NAA35: variants seen among roughly 807,000 people sequenced by gnomAD.
NAA35 encodes the protein N-alpha-acetyltransferase 35, NatC auxiliary subunit.
NAA35 carries 18 observed loss-of-function variants against 101.7 expected under a neutral mutation model. The observed-to-expected ratio is 0.18, with a 90% CI of 0.12 to 0.26. The LOEUF (loss-of-function observed/expected upper bound fraction) is 0.26, where lower values mean the gene tolerates loss of function less well. NAA35 is among the 10% of genes least tolerant of loss of function. The pLI, the probability that NAA35 is intolerant of heterozygous loss-of-function variation, is 1.00. For missense variants in NAA35, 601 were observed against 886.8 expected (o/e 0.68, Z 4.09); for synonymous variants, 267 against 273.1 (o/e 0.98, Z 0.22).
rs1321613293 is a variant in NAA35 at position 85,983,254 on chromosome 9, C to T, written c.877+4873C>T. 2.0e-5 allele frequency among the ~76,000 whole-genome samples: 3 copies of T among 152,272 alleles called. No individual in the cohort carries two copies. In the East Asian group the frequency reaches 5.8e-4, roughly 29 times the overall value. Reference sequence around the variant, plus strand: ...ACCTACTTTGATTCCCCATCTGCTCCTCTCCTCGCTCCACTCGGCCTTCAG... The same window carrying T: ...ACCTACTTTGATTCCCCATCTGCTCTTCTCCTCGCTCCACTCGGCCTTCAG... On this transcript the variant is annotated intron_variant, in intron 11 of 22. Transcript: ENST00000361671.
Position 85,976,535 on chromosome 9 carries a change from T to C in NAA35, c.628-150T>C, listed in dbSNP as rs184678195. 975 of 522,204 alleles carry C rather than the reference T, an allele frequency of 1.9e-3. 25 individuals are homozygous for C. In the South Asian group the frequency reaches 0.026, roughly 14 times the overall value. The allele number at this position is 522,204 out of a possible 1,614,324, so 32.3% of individuals were successfully genotyped here. A position where few individuals can be genotyped will look rare whatever the true frequency, so the allele number is the denominator to read the frequency against. On this transcript the variant is annotated intron_variant, in intron 8 of 22. Coordinates refer to ENST00000361671, the MANE Select transcript of NAA35 (RefSeq NM_024635.4). ...CTGTGTATAGGATTAATAGGAGGAA[T>C]GTAAATACTAGACACGGCTTTTTTT...
At chr9:85,968,183 A>G (rs950601703) in intron 6 of NAA35, among the ~76,000 whole-genome samples, 1 of 152,088 alleles carries the variant, frequency 6.6e-6, no homozygotes, top group Non-Finnish European at 1.5e-5. Flanking sequence ...TCTCTGGTCC[A>G]GTATTTTCTT....
At chr9:85,968,499 C>T (rs562783237) in intron 6 of NAA35, among the ~76,000 whole-genome samples, 1 of 152,316 alleles carries the variant, frequency 6.6e-6, no homozygotes, top group East Asian at 1.9e-4. Flanking sequence ...GTGTGAGCCA[C>T]CGTGCCCGGC....
chr9:85,994,509 G>C (rs1488453572), intron 11 of NAA35, among the ~76,000 whole-genome samples: 1 of 152,194 alleles, frequency 6.6e-6, no homozygotes. Context: ...CAGCTTTTAT[G>C]TTGTTTTCCA....
At chr9:85,942,036 G>C (rs1193106592) in intron 1 of NAA35, 119 bp from the exon 2 acceptor site, 11 of 1,441,504 alleles carry the variant, frequency 7.6e-6, no homozygotes, top group Non-Finnish European at 1.0e-5. Flanking sequence ...ACTCAGAAGA[G>C]TTCTGCTTTA....
At chr9:85,958,218 G>A (rs1207436935) in intron 3 of NAA35, among the ~76,000 whole-genome samples, 1 of 152,130 alleles carries the variant, frequency 6.6e-6, no homozygotes, top group African/African-American at 2.4e-5. Context: ...TGGGATTACA[G>A]GTGTGAGCCA....
At chr9:85,975,292 C>T (rs1830163006) in intron 8 of NAA35, 135 bp downstream of exon 8, 3 of 851,906 alleles carry the variant, frequency 3.5e-6, no homozygotes, top group Non-Finnish European at 5.4e-6. Flanking sequence ...TGAATTTGAA[C>T]ACTGCTAGAG....
intron 2 of NAA35, among the ~76,000 whole-genome samples, chr9:85,945,726 A>G (rs543465153): frequency 6.6e-6 from 1 of 152,144 alleles, no homozygotes; most frequent in African/African-American, 2.4e-5. Context: ...TCACCGTGTT[A>G]GTCAGGATGG....
intron 3 of NAA35, among the ~76,000 whole-genome samples, chr9:85,957,986 G>T (rs1829347540): frequency 1.3e-5 from 2 of 150,714 alleles, no homozygotes; most frequent in Admixed American, 1.3e-4. Flanking sequence ...TTGTTGCCCA[G>T]GCTGGAGTGC....
chr9:85,958,369 ATACTT>A (rs1019986171), intron 3 of NAA35, 98 bp from the exon 4 acceptor site: 4 of 616,434 alleles, frequency 6.5e-6, no homozygotes, highest in Admixed American at 3.2e-5. Flanking sequence ...AATGCATAGA[ATACTT>A]TAGTTATTAA....
intron 6 of NAA35, among the ~76,000 whole-genome samples, chr9:85,967,612 C>G (rs1349373875): frequency 6.6e-6 from 1 of 152,026 alleles, no homozygotes. Flanking sequence ...ACCATCCTGG[C>G]TAACACAGTG....
chr9:85,945,741 G>C (rs1002706256), intron 2 of NAA35, among the ~76,000 whole-genome samples: 2 of 151,960 alleles, frequency 1.3e-5, no homozygotes, highest in African/African-American at 4.8e-5. Context: ...GGATGGTCTC[G>C]ATCTCCTGAC....
At chr9:85,952,430 C>T (rs533172786) in intron 2 of NAA35, among the ~76,000 whole-genome samples, 11 of 151,824 alleles carry the variant, frequency 7.2e-5, no homozygotes, top group Middle Eastern at 3.4e-3. Flanking sequence ...GGATTACAGG[C>T]GCACACCACC....
intron 14 of NAA35, among the ~76,000 whole-genome samples, chr9:86,008,111 G>A (rs538917383): frequency 1.3e-5 from 2 of 152,314 alleles, no homozygotes; most frequent in East Asian, 3.9e-4. Flanking sequence ...TGCTCAGGCT[G>A]GAGTGCAGTG....
At chr9:85,971,798 A>G (rs1306809553) in intron 6 of NAA35, among the ~76,000 whole-genome samples, 1 of 152,068 alleles carries the variant, frequency 6.6e-6, no homozygotes, top group Non-Finnish European at 1.5e-5. Context: ...TCAGTTCATC[A>G]GCATATCATG....
intron 12 of NAA35, among the ~76,000 whole-genome samples, chr9:85,998,114 T>C (rs549034436): frequency 2.0e-5 from 3 of 152,092 alleles, no homozygotes; most frequent in East Asian, 3.9e-4. Context: ...CGGGGTTTCA[T>C]CGTGTTAGCC....
At chr9:85,964,103 C>T (rs1829638535) in intron 6 of NAA35, among the ~76,000 whole-genome samples, 1 of 149,922 alleles carries the variant, frequency 6.7e-6, no homozygotes, top group African/African-American at 2.5e-5. Context: ...TGAATATGAG[C>T]AGTCATTATT....
rs1829767829 is a variant in NAA35 at position 85,966,953 on chromosome 9, A to G, written c.516+4773A>G. ...GAAACCCCGTCTCTACTGAAAATAC[A>G]AAAATTAGCTAGGCGTAGTGGCACA... On this transcript the variant is annotated intron_variant, in intron 6 of 22. Transcript: ENST00000361671. 2.6e-5 allele frequency among the ~76,000 whole-genome samples: 4 copies of G among 152,208 alleles called. No homozygotes were observed. The South Asian group carries it at 8.3e-4, about 32-fold the overall frequency.
intron 2 of NAA35, 111 bp downstream of exon 2, chr9:85,942,394 G>A (rs1828563690): frequency 7.0e-7 from 1 of 1,421,300 alleles, no homozygotes; most frequent in East Asian, 2.3e-5. Context: ...GTGGTTTGTT[G>A]AGTTTGTTAG....
Sources: allele counts gnomAD v4.1 joint callset (sites outside exome capture counted in the v4.1 genomes callset), GRCh38; gene constraint gnomAD v4.1.1; transcripts MANE v1.5; gene names NCBI Gene and HGNC (gene_info 2026-07-23, HGNC 2026-07-21).